Variants in GHR observed in about 807,000 individuals in gnomAD.
GHR encodes the protein GH receptor.
GHR carries 35 observed loss-of-function variants against 67.1 expected under a neutral mutation model. The observed-to-expected ratio is 0.52, with a 90% CI of 0.40 to 0.69. The LOEUF is 0.69. GHR is among the 30% of genes least tolerant of loss of function. The pLI is 0.00. For synonymous variants in GHR, 272 were observed against 269.1 expected, an observed-to-expected ratio of 1.01 and a Z score of -0.10; for missense variants, 792 against 764.6, an observed-to-expected ratio of 1.04 and a Z score of -0.42.
intron 1 of GHR, among the ~76,000 whole-genome samples, chr5:42,518,973 C>T (rs1027205582): frequency 2.6e-5 from 4 of 152,122 alleles, no homozygotes; most frequent in African/African-American, 9.7e-5. Context: ...TGGAAAGAGT[C>T]GCTAATCGCT....
At chr5:42,480,226 C>G (rs140282234) in intron 1 of GHR, among the ~76,000 whole-genome samples, 2,547 of 152,148 alleles carry the variant, frequency 0.017, 67 homozygotes, top group African/African-American at 0.058. Context: ...CTGAGTTCTA[C>G]TTTGATTGCA....
intron 3 of GHR, among the ~76,000 whole-genome samples, chr5:42,670,876 A>ATATATATATAT (rs1388654847): frequency 1.4e-4 from 13 of 94,954 alleles, no homozygotes; most frequent in Admixed American, 3.9e-4. Context: ...AAAAAAAAAA[A>ATATATATATAT]AAAAATATAT....
intron 3 of GHR, among the ~76,000 whole-genome samples, chr5:42,678,301 T>G (rs903013069): frequency 3.3e-5 from 5 of 152,198 alleles, no homozygotes; most frequent in Non-Finnish European, 7.3e-5. Flanking sequence ...ATGGCAACTC[T>G]CAAGATAAAG....
intron 6 of GHR, among the ~76,000 whole-genome samples, chr5:42,704,830 T>C (rs1337726213): frequency 6.6e-6 from 1 of 152,022 alleles, no homozygotes; most frequent in Non-Finnish European, 1.5e-5. Flanking sequence ...CTTATGAACA[T>C]TTGTATTTCT....
chr5:42,702,298 A>G (rs1757969419), intron 6 of GHR, among the ~76,000 whole-genome samples: 1 of 151,984 alleles, frequency 6.6e-6, no homozygotes, highest in Admixed American at 6.6e-5. Context: ...ATTATGTGGT[A>G]TTTGTTTTTC....
Position 42,718,638 on chromosome 5 carries a change from A to C in GHR, c.1131A>C (p.Leu377=), listed in dbSNP as rs1758847305. The stretch of plus-strand genomic sequence containing the variant: ...ACCATGAGAAATCACATAGTAACCT[A>C]GGGGTGAAGGATGGCGACTCTGGAC... ...SSDHEKSHSN[L]GVKDGDSGRT... is the part of the protein sequence containing the mutation. Residue 377 remains leucine (L), a synonymous_variant, in exon 10 of 10, where the codon CTA becomes CTC. Transcript: ENST00000230882. 1 of 1,614,000 alleles carries C rather than the reference A, an allele frequency of 6.2e-7. No individual in the cohort carries two copies. Among genetic ancestry groups the C allele is most frequent in the South Asian group, 1.1e-5 (1 of 91,080 alleles).
intron 3 of GHR, among the ~76,000 whole-genome samples, chr5:42,685,995 C>T (rs554776562): frequency 3.8e-4 from 58 of 152,180 alleles, no homozygotes; most frequent in Non-Finnish European, 6.2e-4. Context: ...CTTTTGGTGT[C>T]TTAGTCATGA....
In GHR at chr5:42,719,231, C is replaced by CT; in HGVS notation, c.1725dup (p.Ala576CysfsTer14). The CT allele has an allele frequency of 6.2e-7, 1 of 1,613,968 alleles. No individual in the cohort carries two copies. Among genetic ancestry groups the CT allele is most frequent in the Non-Finnish European group, 8.5e-7 (1 of 1,179,890 alleles). On this transcript the variant is annotated frameshift_variant, in exon 10 of 10. Transcript: ENST00000230882. LOFTEE classifies it high-confidence loss of function. ...ATCACCACAGAAAGCCTTACCACTG[C>CT]TGCTGGGAGGCCTGGGACAGGAGAA...
At chr5:42,478,948 T>A (rs984575902) in intron 1 of GHR, among the ~76,000 whole-genome samples, 1 of 152,198 alleles carries the variant, frequency 6.6e-6, no homozygotes, top group Non-Finnish European at 1.5e-5. Flanking sequence ...AGAAAGGGCA[T>A]CCCTGTTTTG....
intron 3 of GHR, among the ~76,000 whole-genome samples, chr5:42,661,609 A>G (rs1755629506): frequency 6.6e-6 from 1 of 152,228 alleles, no homozygotes; most frequent in South Asian, 2.1e-4. Flanking sequence ...AGGAAGCACT[A>G]AACATGGAAA....
chr5:42,576,133 TAAAATAAA>T (rs1750720956), intron 2 of GHR, among the ~76,000 whole-genome samples: 159 of 93,138 alleles, frequency 1.7e-3, no homozygotes, highest in African/African-American at 7.1e-3. Context: ...TAAAATAAAA[TAAAATAAA>T]ATAGTAAAGT....
chr5:42,550,770 A>G (rs1748986866), intron 1 of GHR, among the ~76,000 whole-genome samples: 1 of 152,046 alleles, frequency 6.6e-6, no homozygotes, highest in Admixed American at 6.6e-5. Flanking sequence ...CCACCTGACA[A>G]AGGGGCACGT....
chr5:42,630,520 G>A (rs148026285), intron 3 of GHR, among the ~76,000 whole-genome samples: 1 of 131,898 alleles, frequency 7.6e-6, no homozygotes, highest in Admixed American at 7.3e-5. Flanking sequence ...CCAAAAAGGA[G>A]AGCTGGTACT....
chr5:42,584,889 T>C (rs905909638), intron 2 of GHR, among the ~76,000 whole-genome samples: 4 of 152,106 alleles, frequency 2.6e-5, no homozygotes, highest in Admixed American at 1.3e-4. Flanking sequence ...CAAATTTGCT[T>C]TCAGTCTCAG....
At chr5:42,533,957 C>T (rs1219779440) in intron 1 of GHR, among the ~76,000 whole-genome samples, 1 of 151,466 alleles carries the variant, frequency 6.6e-6, no homozygotes, top group East Asian at 1.9e-4. Flanking sequence ...AGTTACTTCA[C>T]TTAGAATAAT....
At chr5:42,572,939 A>G (rs1750415135) in intron 2 of GHR, among the ~76,000 whole-genome samples, 1 of 152,184 alleles carries the variant, frequency 6.6e-6, no homozygotes, top group Middle Eastern at 3.2e-3. Context: ...TTATAATGAC[A>G]TCTGTGTTTC....
intron 5 of GHR, among the ~76,000 whole-genome samples, chr5:42,697,708 C>T (rs1361235435): frequency 6.6e-6 from 1 of 152,164 alleles, no homozygotes; most frequent in Non-Finnish European, 1.5e-5. Context: ...TTGCCAAAGA[C>T]TTTGGCTTTC....
intron 2 of GHR, among the ~76,000 whole-genome samples, chr5:42,613,469 G>A (rs73087431): frequency 0.019 from 2,864 of 152,150 alleles, 97 homozygotes; most frequent in African/African-American, 0.065. Flanking sequence ...CTTGATAAAT[G>A]TTCTTAAGAA....
intron 4 of GHR, among the ~76,000 whole-genome samples, chr5:42,692,039 A>AT (rs1757445468): frequency 6.6e-6 from 1 of 152,138 alleles, no homozygotes; most frequent in Non-Finnish European, 1.5e-5. Context: ...TTCCATACCC[A>AT]TTCAACCCCA....
Sources: gnomAD v4.1 joint callset for allele counts (sites outside exome capture counted in the v4.1 genomes callset) on GRCh38, gnomAD v4.1.1 for gene constraint, MANE v1.5 for transcripts, NCBI Gene and HGNC (gene_info 2026-07-23, HGNC 2026-07-21) for gene names.